The following PCDH15 variants were observed in gnomAD, a reference collection of about 807,000 sequenced individuals.
PCDH15 encodes the protein protocadherin related 15.
A neutral mutation model predicts 178.5 loss-of-function variants in PCDH15; 129 were observed. The ratio of observed to expected loss-of-function variants is 0.72; its 90% CI spans 0.63 to 0.84. The LOEUF (loss-of-function observed/expected upper bound fraction) is 0.84. PCDH15 is among the 40% of genes least tolerant of loss of function. The pLI is 0.00. For missense variants in PCDH15, 2,230 were observed against 2,099.9 expected, an observed-to-expected ratio of 1.06 and a Z score of -1.21; for synonymous variants, 800 against 732.0, an observed-to-expected ratio of 1.09 and a Z score of -1.50.
chr10:54,785,119 G>C (rs577536860), intron 1 of PCDH15, among the ~76,000 whole-genome samples: 1 of 151,746 alleles, frequency 6.6e-6, no homozygotes, highest in East Asian at 2.0e-4. Context: ...AACACAAAAA[G>C]GAAAGGCAGC....
At chr10:54,603,306 T>A (rs2092618075) in intron 2 of PCDH15, among the ~76,000 whole-genome samples, 2 of 152,048 alleles carry the variant, frequency 1.3e-5, no homozygotes, top group Admixed American at 6.6e-5. Flanking sequence ...TGTGTCAGTT[T>A]TATTTGTCTT....
At chr10:55,132,581 C>T (rs946012589) in intron 2 of PCDH15, among the ~76,000 whole-genome samples, 5 of 151,962 alleles carry the variant, frequency 3.3e-5, no homozygotes, top group African/African-American at 1.2e-4. Flanking sequence ...CAAATTTATA[C>T]CCCAATTTGA....
chr10:54,872,941 C>G (rs1227059975), intron 3 of PCDH15, among the ~76,000 whole-genome samples: 2 of 152,004 alleles, frequency 1.3e-5, no homozygotes, highest in Non-Finnish European at 2.9e-5. Context: ...AAACCAAGGT[C>G]TCAAAGGACA....
At chr10:54,781,637 A>G (rs1486576450) in intron 1 of PCDH15, among the ~76,000 whole-genome samples, 1 of 152,270 alleles carries the variant, frequency 6.6e-6, no homozygotes, top group African/African-American at 2.4e-5. Context: ...GACTTAGCCT[A>G]TGGAAAAAGG....
chr10:55,353,302 T>C (rs974349443), intron 2 of PCDH15, among the ~76,000 whole-genome samples: 2 of 152,124 alleles, frequency 1.3e-5, no homozygotes, highest in East Asian at 1.9e-4. Context: ...TTTTGATTAA[T>C]ATAGATGTGT....
intron 2 of PCDH15, among the ~76,000 whole-genome samples, chr10:54,631,953 T>C (rs539229040): frequency 2.3e-3 from 354 of 152,150 alleles, no homozygotes; most frequent in African/African-American, 8.0e-3. Context: ...CCTTGACACG[T>C]GGGGATTAAA....
chr10:55,358,329 G>T (rs1456635970), intron 2 of PCDH15, among the ~76,000 whole-genome samples: 1 of 152,090 alleles, frequency 6.6e-6, no homozygotes, highest in Non-Finnish European at 1.5e-5. Flanking sequence ...AGAAATGTTA[G>T]TTATGTAAGG....
chr10:55,000,866 G>A (rs528076695), intron 2 of PCDH15, among the ~76,000 whole-genome samples: 1 of 152,034 alleles, frequency 6.6e-6, no homozygotes, highest in East Asian at 1.9e-4. Flanking sequence ...GAACTCTTGG[G>A]GACCCAGAGT....
intron 5 of PCDH15, among the ~76,000 whole-genome samples, chr10:54,358,941 C>G: frequency 6.9e-6 from 1 of 144,170 alleles, no homozygotes; most frequent in Non-Finnish European, 1.5e-5. Context: ...TATTCTCATT[C>G]ATAGGTGGGA....
intron 13 of PCDH15, among the ~76,000 whole-genome samples, chr10:54,163,097 A>C (rs1480888005): frequency 3.3e-5 from 5 of 152,288 alleles, no homozygotes; most frequent in African/African-American, 1.2e-4. Context: ...ATCCTTTTGC[A>C]CACTCAGGTT....
At chr10:55,024,222 ATTTC>A (rs1840418127) in intron 2 of PCDH15, among the ~76,000 whole-genome samples, 1 of 147,066 alleles carries the variant, frequency 6.8e-6, no homozygotes, top group African/African-American at 2.5e-5. Flanking sequence ...AGGAATATAT[ATTTC>A]TTTCTCTGAT....
At chr10:55,270,832 C>A (rs1202846440) in intron 1 of PCDH15, among the ~76,000 whole-genome samples, 1 of 151,536 alleles carries the variant, frequency 6.6e-6, no homozygotes, top group East Asian at 1.9e-4. Context: ...AAGACCCATG[C>A]ACTCACATGT....
chr10:54,057,648 T>C (rs1194554529), intron 18 of PCDH15, among the ~76,000 whole-genome samples: 1 of 152,154 alleles, frequency 6.6e-6, no homozygotes, highest in Non-Finnish European at 1.5e-5. Context: ...GTCTCTGAGA[T>C]ACCCTGGAGA....
intron 21 of PCDH15, among the ~76,000 whole-genome samples, chr10:53,974,466 C>G (rs2134494368): frequency 6.6e-6 from 1 of 152,116 alleles, no homozygotes; most frequent in South Asian, 2.1e-4. Flanking sequence ...TAAAAATTGT[C>G]TAAAATATTA....
chr10:54,916,817 C>A (rs539152468), intron 2 of PCDH15, among the ~76,000 whole-genome samples: 64 of 152,164 alleles, frequency 4.2e-4, no homozygotes, highest in Middle Eastern at 3.4e-3. Flanking sequence ...GTGCCATGAC[C>A]GCTGATTCTT....
chr10:55,188,277 C>A (rs1372572787), intron 1 of PCDH15, among the ~76,000 whole-genome samples: 1 of 151,636 alleles, frequency 6.6e-6, no homozygotes, highest in African/African-American at 2.4e-5. Context: ...ATAATTTTCT[C>A]ACGCTTTCTA....
chr10:53,992,490 TGGA>T (rs1360070309), intron 21 of PCDH15, among the ~76,000 whole-genome samples: 1 of 152,206 alleles, frequency 6.6e-6, no homozygotes, highest in Admixed American at 6.5e-5. Flanking sequence ...CTTCACTTGT[TGGA>T]GATGAAGTGA....
At chr10:54,123,287 T>C (rs1272505625) in intron 15 of PCDH15, among the ~76,000 whole-genome samples, 1 of 152,122 alleles carries the variant, frequency 6.6e-6, no homozygotes, top group African/African-American at 2.4e-5. Flanking sequence ...AAATGTCTTA[T>C]ATTCACAATC....
At position 54,288,456 on chromosome 10, in the gene PCDH15, G is replaced by A. The variant is rs186761555; in HGVS notation, c.876+28815C>T. 3.0e-4 allele frequency among the ~76,000 whole-genome samples: 45 copies of A among 152,278 alleles called. No homozygotes were observed. In the East Asian group the frequency reaches 5.8e-3, roughly 20 times the overall value. On this transcript the variant is annotated intron_variant, in intron 8 of 37. Coordinates refer to ENST00000644397, the MANE Select transcript of PCDH15 (RefSeq NM_001384140.1). ...GTCTGCAGCTCCCAGTGTGACTGACGCAGAAGATGGGTGATTTCTGCATTT... is the reference window on the plus strand; with the variant it reads ...GTCTGCAGCTCCCAGTGTGACTGACACAGAAGATGGGTGATTTCTGCATTT...
Sources: allele counts gnomAD v4.1 joint callset (sites outside exome capture counted in the v4.1 genomes callset), GRCh38; gene constraint gnomAD v4.1.1; transcripts MANE v1.5; gene names NCBI Gene and HGNC (gene_info 2026-07-23, HGNC 2026-07-21).